Variants in RFX1 observed in about 807,000 individuals in gnomAD.
RFX1 encodes the protein MHC class II regulatory factor RFX1.
In RFX1, 42 loss-of-function variants were observed where a neutral mutation model predicts 119.6. The observed-to-expected ratio is 0.35, with a 90% CI of 0.27 to 0.45. The LOEUF (loss-of-function observed/expected upper bound fraction) is 0.45. Ranked by LOEUF, RFX1 falls within the 20% of genes least tolerant of loss-of-function variation. The pLI, the probability that RFX1 is intolerant of heterozygous loss-of-function variation, is 1.00. For synonymous variants in RFX1, 628 were observed against 618.5 expected (o/e 1.02, Z -0.23); for missense variants, 1,118 against 1,368.1 (o/e 0.82, Z 2.88).
Position 13,983,169 on chromosome 19 carries a change from C to G in RFX1, c.513+18G>C. ...TGAGGGAGCCTTCCAGGGTGGTGGC[C>G]AGGTGCAGCAGCATTACCTGCTGGG... is the stretch of plus-strand genomic sequence containing the variant. On this transcript the variant is annotated intron_variant, in intron 4 of 20. Coordinates refer to ENST00000254325, the MANE Select transcript of RFX1 (RefSeq NM_002918.5). The G allele has an allele frequency of 6.5e-7, 1 of 1,545,468 alleles. No individual in the cohort carries two copies. The highest frequency in any genetic ancestry group is 1.2e-5 in the South Asian group (1 of 84,574).
At position 13,983,284 on chromosome 19, in the gene RFX1, G is replaced by A; in HGVS notation, c.430-14C>T. 1 of 1,541,278 alleles carries A rather than the reference G, an allele frequency of 6.5e-7. No homozygotes were observed. Among genetic ancestry groups the A allele is most frequent in the Non-Finnish European group, 8.7e-7 (1 of 1,147,404 alleles). On this transcript the variant is annotated splice_polypyrimidine_tract_variant and intron_variant, in intron 3 of 20. Coordinates refer to ENST00000254325, the MANE Select transcript of RFX1 (RefSeq NM_002918.5). The stretch of plus-strand genomic sequence containing the variant: ...GACCAGCAGCCGCTGTGGAGACAAG[G>A]CAGGAGGAGCTGAGCTGCCACTTCC...
chr19:13,983,443 C>G (rs748637964), intron 3 of RFX1, 43 bp downstream of exon 3: 40 of 1,479,786 alleles, frequency 2.7e-5, no homozygotes, highest in Admixed American at 3.8e-5. Context: ...GCACTGCCCC[C>G]CTCCCGGGCC....
chr19:13,982,194 G>A lies in RFX1; in HGVS notation c.548C>T (p.Ala183Val). 7.6e-7 allele frequency: 1 copy of A among 1,311,894 alleles called. No individual in the cohort carries two copies. Among genetic ancestry groups the A allele is most frequent in the Non-Finnish European group, 9.8e-7 (1 of 1,021,632 alleles). 81.3% of individuals were successfully genotyped at this position (1,311,894 alleles called of 1,614,324 possible). ...LPTQRLVVQS[A>V]APGSKGGQVS... is the part of the protein sequence containing the mutation. ...CTGGCCACCTTTGCTGCCTGGGGCT[G>A]CGCTCTGCACCACCAGACGCTGCGT... Residue 183 changes from alanine (A) to valine (V), a missense_variant, in exon 5 of 21, where the codon GCA (alanine) becomes GTA (valine). Ala to Val is a moderately conservative substitution (Grantham distance 64). Coordinates refer to ENST00000254325, the MANE Select transcript of RFX1 (RefSeq NM_002918.5).
chr19:13,987,408 C>G (rs1014371404), intron 2 of RFX1, among the ~76,000 whole-genome samples: 3 of 152,130 alleles, frequency 2.0e-5, no homozygotes, highest in Admixed American at 6.5e-5. Flanking sequence ...TGTCCAGCCC[C>G]AGGCTCCAAG....
intron 1 of RFX1, among the ~76,000 whole-genome samples, chr19:14,003,736 T>C (rs1407611031): frequency 6.6e-6 from 1 of 152,046 alleles, no homozygotes; most frequent in Non-Finnish European, 1.5e-5. Context: ...AAAACTTAAG[T>C]AACTCACCTA....
At position 13,979,603 on chromosome 19, in the gene RFX1, C is replaced by T. The variant is rs1212240744; in HGVS notation, c.739-61G>A. On this transcript the variant is annotated intron_variant, in intron 6 of 20. Transcript: ENST00000254325. ...CAACGATGGCCGTCAACCTACCCAG[C>T]CCCTGCACAGGTGAGCTTCTGTAAA... The T allele has an allele frequency of 3.2e-5, 39 of 1,222,040 alleles. No individual in the cohort carries two copies. In the South Asian group the frequency reaches 5.2e-4, roughly 16 times the overall value. The allele number at this position is 1,222,040 out of a possible 1,614,324, so 75.7% of individuals were successfully genotyped here.
chr19:13,994,883 A>G (rs1599516465), intron 1 of RFX1, among the ~76,000 whole-genome samples: 1 of 100,146 alleles, frequency 1.0e-5, no homozygotes, highest in South Asian at 3.2e-4. Flanking sequence ...TGTATATTGA[A>G]ATATACATAC....
Position 13,963,120 on chromosome 19 carries a change from AC to A in RFX1, c.2724+1del. 6.2e-7 allele frequency: 1 copy of A among 1,610,622 alleles called. No homozygotes were observed. The highest frequency in any genetic ancestry group is 8.5e-7 in the Non-Finnish European group (1 of 1,178,322). On this transcript the variant is annotated splice_donor_variant, in intron 19 of 20. Coordinates refer to ENST00000254325, the MANE Select transcript of RFX1 (RefSeq NM_002918.5). LOFTEE classifies it high-confidence loss of function. ...GCGCCCCCAGTGGCCCGCCTCGCGC[AC>A]CTCGCCCATGACGGCGATGGGGGTC...
chr19:13,968,963 C>T lies in RFX1; in HGVS notation c.1497-69G>A. On this transcript the variant is annotated intron_variant, in intron 10 of 20. Coordinates refer to ENST00000254325, the MANE Select transcript of RFX1 (RefSeq NM_002918.5). This position sits in a 1 kb window ranked among gnomAD's most constrained non-coding sequence, Gnocchi z 5.5. ...GGCTGGCCGGCCATGGAGCACCTCA[C>T]AGCACACCCGTCTCCTCTCTGTTAG... 6.7e-7 allele frequency: 1 copy of T among 1,497,350 alleles called. No individual in the cohort carries two copies. Among genetic ancestry groups the T allele is most frequent in the Non-Finnish European group, 9.0e-7 (1 of 1,115,618 alleles). The allele number at this position is 1,497,350 out of a possible 1,614,324, so 92.8% of individuals were successfully genotyped here. A position where few individuals can be genotyped will look rare whatever the true frequency, so the allele number is the denominator to read the frequency against.
intron 9 of RFX1, among the ~76,000 whole-genome samples, chr19:13,971,892 G>A (rs1178668549): frequency 6.6e-6 from 1 of 152,134 alleles, no homozygotes; most frequent in Non-Finnish European, 1.5e-5. Context: ...TATAGTCCCA[G>A]CTACTCGGGA....
chr19:13,967,315 C>G (rs920387822), intron 12 of RFX1, among the ~76,000 whole-genome samples: 4 of 151,696 alleles, frequency 2.6e-5, no homozygotes, highest in South Asian at 2.1e-4. Context: ...TCCTTTGGCC[C>G]TGTTTTCATG....
At position 13,962,833 on chromosome 19, in the gene RFX1, C is replaced by G; in HGVS notation, c.2802G>C (p.Glu934Asp). 6 of 1,527,926 alleles carry G rather than the reference C, an allele frequency of 3.9e-6. 2 individuals carry two copies. The South Asian group carries it at 7.3e-5, about 19-fold the overall frequency. 94.6% of individuals were successfully genotyped at this position (1,527,926 alleles called of 1,614,324 possible). Residue 934 changes from glutamate to aspartate, a missense_variant, in exon 21 of 21, where the codon GAG becomes GAC. By Grantham distance (45) the Glu-to-Asp change is conservative. Transcript: ENST00000254325. ...DEEEEEEEES[E>D]DELPQDISLA... ...GTGAGATGTCCTGCGGCAGCTCGTC[C>G]TCGCTCTCCTCCTCCTCTTCTTCCT...
At position 13,981,464 on chromosome 19, in the gene RFX1, C is replaced by T. The variant is rs76762010; in HGVS notation, c.621+657G>A. ...TACAAAAATTAGCAGGGCGTGGTGG[C>T]GCATGTCTCTAATCCCAGCTACTCG... On this transcript the variant is annotated intron_variant, in intron 5 of 20. Transcript: ENST00000254325. Among the ~76,000 whole-genome samples the T allele has an allele frequency of 3.0e-3, 454 of 152,252 alleles. 5 individuals carry two copies. Among genetic ancestry groups the T allele is most frequent in the African/African-American group, 0.01 (427 of 41,538 alleles).
Position 13,970,177 on chromosome 19 carries a change from T to G in RFX1, c.1315-2A>C. 6.3e-7 allele frequency: 1 copy of G among 1,598,574 alleles called. No individual in the cohort carries two copies. On this transcript the variant is annotated splice_acceptor_variant, in intron 9 of 20. Transcript: ENST00000254325. LOFTEE classifies it high-confidence loss of function. ...ATAGTTGTCCAGGAGCCACTGGACC[T>G]GGGGTGGGAGGGAGATGGGAGAGCA...
chr19:13,977,885 G>A (rs1974297430), intron 8 of RFX1, 107 bp downstream of exon 8: 2 of 850,538 alleles, frequency 2.4e-6, no homozygotes, highest in African/African-American at 1.7e-5. Flanking sequence ...AGGCCTTGAA[G>A]GCCGGATGGC....
intron 1 of RFX1, among the ~76,000 whole-genome samples, chr19:13,996,105 G>A (rs1975007316): frequency 6.6e-6 from 1 of 152,144 alleles, no homozygotes; most frequent in East Asian, 1.9e-4. Context: ...TCTCCCAGGT[G>A]CTGGGCTGGG....
intron 12 of RFX1, among the ~76,000 whole-genome samples, chr19:13,967,722 C>G (rs1171440932): frequency 6.6e-6 from 1 of 152,056 alleles, no homozygotes; most frequent in African/African-American, 2.4e-5. Context: ...AGCGATTCCT[C>G]CAGCCTCGGC....
rs1023601000 is a variant in RFX1, at chr19:13,961,627, C to A, written c.*1068G>T. On this transcript the variant is annotated 3_prime_UTR_variant, in exon 21 of 21. Transcript: ENST00000254325. ...AGACTACCACACGTGTGGACACTTT[C>A]ACCACCGGGAGAGGGAGCCCCGTGG... 6.5e-6 allele frequency: 1 copy of A among 152,692 alleles called. No homozygotes were observed. Among genetic ancestry groups the A allele is most frequent in the African/African-American group, 2.4e-5 (1 of 41,326 alleles). The allele number at this position is 152,692 out of a possible 1,614,324, so 9.5% of individuals were successfully genotyped here. A position where few individuals can be genotyped will look rare whatever the true frequency, so the allele number is the denominator to read the frequency against.
rs966548441 is a variant in RFX1 at position 13,985,155 on chromosome 19, C to T, written c.320-1560G>A. On this transcript the variant is annotated intron_variant, in intron 2 of 20. Transcript: ENST00000254325. This position sits in a 1 kb window ranked among gnomAD's most constrained non-coding sequence, Gnocchi z 4.3. ...GGAATTACCGGCGTGAGCCACTGTG[C>T]CTGGCTGACAGTAAGAGCTTTCCGG... Among the ~76,000 whole-genome samples the T allele has an allele frequency of 1.3e-5, 2 of 151,898 alleles. No homozygotes were observed. The highest frequency in any genetic ancestry group is 2.4e-5 in the African/African-American group (1 of 41,324).
Sources: allele counts gnomAD v4.1 joint callset (sites outside exome capture counted in the v4.1 genomes callset), GRCh38; gene constraint gnomAD v4.1.1; non-coding constraint Gnocchi (gnomAD v3.1); transcripts MANE v1.5; gene names NCBI Gene and HGNC (gene_info 2026-07-23, HGNC 2026-07-21).